CLPTM1: variants seen among roughly 807,000 people sequenced by gnomAD.
CLPTM1 encodes the protein putative lipid scramblase CLPTM1.
A neutral mutation model predicts 77.3 loss-of-function variants in CLPTM1; 21 were observed. That is an observed-to-expected ratio of 0.27 (90% CI 0.19 to 0.39). The LOEUF is 0.39. Among genes scored for constraint, CLPTM1 ranks in the 10% least tolerant of loss-of-function variants. CLPTM1 has a pLI of 1.00. For missense variants in CLPTM1, 642 were observed against 921.2 expected (o/e 0.70, Z 3.92); for synonymous variants, 373 against 381.0 (o/e 0.98, Z 0.24).
Position 44,974,442 on chromosome 19 carries a change from C to T in CLPTM1, c.313C>T (p.Leu105=), listed in dbSNP as rs1287829078. ...NLFPKDTLMN[L]HVYISEHEHF... ...TGTTCCCTTCCTGTCCCAACAGAAC[C>T]TGCATGTGTACATCTCAGAGCACGA... The change falls in exon 4 of 14, where the codon CTG becomes TTG. Residue 105 remains leucine (L), a synonymous_variant. Coordinates refer to ENST00000337392, the MANE Select transcript of CLPTM1 (RefSeq NM_001294.4). 1 of 1,612,108 alleles carries T rather than the reference C, an allele frequency of 6.2e-7. No homozygotes were observed. The highest frequency in any genetic ancestry group is 8.5e-7 in the Non-Finnish European group (1 of 1,178,346).
Position 44,993,083 on chromosome 19 carries a change from C to T in CLPTM1, c.*186C>T, listed in dbSNP as rs975010615. 29 of 733,780 alleles carry T rather than the reference C, an allele frequency of 4.0e-5. No individual in the cohort carries two copies. The highest frequency in any genetic ancestry group is 1.4e-4 in the African/African-American group (8 of 57,968). The allele number at this position is 733,780 out of a possible 1,614,324, so 45.5% of individuals were successfully genotyped here. ...GCAGGCCAGGGTTTGTTTGTGGAGG[C>T]GCTGTCTGTCCCTCTGTCCCTCTGT... On this transcript the variant is annotated 3_prime_UTR_variant, in exon 14 of 14. Coordinates refer to ENST00000337392, the MANE Select transcript of CLPTM1 (RefSeq NM_001294.4).
chr19:44,977,582 G>T, intron 5 of CLPTM1, 122 bp downstream of exon 5: 1 of 798,664 alleles, frequency 1.3e-6, no homozygotes, highest in Non-Finnish European at 2.1e-6. Context: ...TGTGCTCAAA[G>T]AGGGTGGGAT....
intron 1 of CLPTM1, among the ~76,000 whole-genome samples, chr19:44,958,940 C>T (rs1441080569): frequency 6.6e-6 from 1 of 152,212 alleles, no homozygotes; most frequent in Non-Finnish European, 1.5e-5. Flanking sequence ...TTTCATTGGG[C>T]ATAATGGGTT....
chr19:44,992,599 A>C lies in CLPTM1; in HGVS notation c.1724-12A>C. The C allele has an allele frequency of 6.2e-7, 1 of 1,612,808 alleles. No individual in the cohort carries two copies. The highest frequency in any genetic ancestry group is 8.5e-7 in the Non-Finnish European group (1 of 1,179,696). On this transcript the variant is annotated splice_polypyrimidine_tract_variant and intron_variant, in intron 13 of 13. Transcript: ENST00000337392. The surrounding 1 kb of genome is among the most constrained non-coding windows in gnomAD (Gnocchi z 7.7). Reference sequence around the variant, plus strand: ...CCAGCCCGACCTCACACTGCCTCCCACCCCTCTCCAGATGTGGTTTTCTTC... The same window carrying C: ...CCAGCCCGACCTCACACTGCCTCCCCCCCCTCTCCAGATGTGGTTTTCTTC...
At chr19:44,977,607 C>G (rs1218649806) in intron 5 of CLPTM1, 147 bp downstream of exon 5, 1 of 680,490 alleles carries the variant, frequency 1.5e-6, no homozygotes, top group Non-Finnish European at 2.5e-6. Context: ...AGGGCAGGCT[C>G]AAGCCCCACC....
At chr19:44,987,144 C>T (rs376974203) in intron 7 of CLPTM1, 35 bp from the exon 8 acceptor site, 66 of 1,588,032 alleles carry the variant, frequency 4.2e-5, no homozygotes, top group African/African-American at 6.7e-5. Flanking sequence ...GCCTCCTGCC[C>T]GGGCCAAATG....
intron 2 of CLPTM1, among the ~76,000 whole-genome samples, chr19:44,967,299 A>G (rs1455030682): frequency 3.3e-5 from 5 of 152,148 alleles, no homozygotes; most frequent in African/African-American, 1.2e-4. Flanking sequence ...AGCCTAGGCA[A>G]CAGAGTGAGA....
intron 9 of CLPTM1, among the ~76,000 whole-genome samples, chr19:44,988,754 G>A (rs184643637): frequency 1.3e-5 from 2 of 152,342 alleles, no homozygotes; most frequent in African/African-American, 4.8e-5. Flanking sequence ...GATGGTTCCA[G>A]CCCCAACTCT....
intron 1 of CLPTM1, among the ~76,000 whole-genome samples, chr19:44,957,140 C>T (rs1285748665): frequency 6.6e-6 from 1 of 152,248 alleles, no homozygotes; most frequent in Non-Finnish European, 1.5e-5. Flanking sequence ...TAAAGGGGAT[C>T]CGCTGCTCTG....
chr19:44,987,881 G>A (rs1971006719), intron 8 of CLPTM1, 199 bp from the exon 9 acceptor site: 2 of 608,940 alleles, frequency 3.3e-6, no homozygotes, highest in African/African-American at 1.8e-5. Flanking sequence ...TCTTCCCCTA[G>A]TGCCATCTCC....
chr19:44,955,122 G>A (rs968528019), upstream of CLPTM1: 6 of 1,535,756 alleles, frequency 3.9e-6, no homozygotes, highest in Admixed American at 5.9e-5. Flanking sequence ...GACAGAACTT[G>A]CGGGAGGCAC....
At chr19:44,989,749 G>A (rs774989586) in intron 9 of CLPTM1, among the ~76,000 whole-genome samples, 2 of 152,186 alleles carry the variant, frequency 1.3e-5, no homozygotes, top group Non-Finnish European at 2.9e-5. Context: ...ATGCTCAGCC[G>A]GGCGGGGTCA....
rs534260623 is a variant in CLPTM1 at position 44,961,965 on chromosome 19, G to A, written c.75G>A (p.Val25=). The A allele has an allele frequency of 9.4e-6, 15 of 1,601,798 alleles. No homozygotes were observed. In the African/African-American group the frequency reaches 2.0e-4, roughly 22 times the overall value. ...VAAGGGSSGQ[V]TSNGSIGRDP... is the part of the protein sequence containing the mutation. Reference sequence around the variant, plus strand: ...ACCCTGGCCTCTGTCCCCCACAGGTGACCAGCAATGGCAGCATCGGGAGGG... The same window carrying A: ...ACCCTGGCCTCTGTCCCCCACAGGTAACCAGCAATGGCAGCATCGGGAGGG... Residue 25 remains valine, a splice_region_variant and synonymous_variant, in exon 2 of 14, where the codon GTG becomes GTA. Coordinates refer to ENST00000337392, the MANE Select transcript of CLPTM1 (RefSeq NM_001294.4).
At chr19:44,982,436 G>A (rs1191306592) in intron 5 of CLPTM1, among the ~76,000 whole-genome samples, 1 of 152,126 alleles carries the variant, frequency 6.6e-6, no homozygotes, top group African/African-American at 2.4e-5. Flanking sequence ...GTAGCTGCAT[G>A]TGGCCAGCAA....
intron 5 of CLPTM1, 119 bp downstream of exon 5, chr19:44,977,579 A>C (rs570791473): frequency 1.2e-6 from 1 of 808,598 alleles, no homozygotes; most frequent in South Asian, 1.5e-5. Context: ...GCCTGTGCTC[A>C]AAGAGGGTGG....
chr19:44,977,743 GAGGAGA>G, intron 5 of CLPTM1, among the ~76,000 whole-genome samples: 1 of 152,190 alleles, frequency 6.6e-6, no homozygotes, highest in Non-Finnish European at 1.5e-5. Context: ...TCTTGGAGAG[GAGGAGA>G]CGTCCTTCAC....
chr19:44,966,995 CAG>C (rs1970641879), intron 2 of CLPTM1, among the ~76,000 whole-genome samples: 2 of 152,134 alleles, frequency 1.3e-5, no homozygotes, highest in Admixed American at 1.3e-4. Flanking sequence ...GCGCCCGCCA[CAG>C]CGCCCGGCTA....
intron 1 of CLPTM1, among the ~76,000 whole-genome samples, chr19:44,958,999 T>G (rs563215812): frequency 6.6e-6 from 1 of 152,366 alleles, no homozygotes; most frequent in Non-Finnish European, 1.5e-5. Context: ...TTTTATTTTA[T>G]TTTTTACAAC....
chr19:44,954,753 G>C (rs1970430046), upstream of CLPTM1: 24 of 1,338,892 alleles, frequency 1.8e-5, 1 homozygote, highest in South Asian at 3.6e-4. Flanking sequence ...CAGTCCGAAG[G>C]CTTGGGGGTG....
Sources: allele counts gnomAD v4.1 joint callset (sites outside exome capture counted in the v4.1 genomes callset), GRCh38; gene constraint gnomAD v4.1.1; non-coding constraint Gnocchi (gnomAD v3.1); transcripts MANE v1.5; gene names NCBI Gene and HGNC (gene_info 2026-07-23, HGNC 2026-07-21).